The following SHISA9 variants were observed in gnomAD, a reference collection of about 807,000 sequenced individuals.
SHISA9 encodes the protein shisa family member 9.
In SHISA9, 13 loss-of-function variants were observed where a neutral mutation model predicts 38.0. The ratio of observed to expected loss-of-function variants is 0.34; its 90% CI spans 0.22 to 0.54. SHISA9 has a LOEUF of 0.54. Among genes scored for constraint, SHISA9 ranks in the 20% least tolerant of loss-of-function variants. The pLI is 0.91. For synonymous variants in SHISA9, 275 were observed against 242.0 expected (o/e 1.14, Z -1.27); for missense variants, 538 against 575.8 (o/e 0.93, Z 0.67).
At chr16:13,522,128 G>A in the SHISA9 span, among the ~76,000 whole-genome samples, 1 of 152,274 alleles carries the variant, frequency 6.6e-6, no homozygotes, top group African/African-American at 2.4e-5. Context: ...CTGCTTTCCT[G>A]TAATCCCACA....
At chr16:13,523,080 G>A in the SHISA9 span, among the ~76,000 whole-genome samples, 2 of 152,172 alleles carry the variant, frequency 1.3e-5, no homozygotes, top group African/African-American at 2.4e-5. Context: ...AGGCTCGGTA[G>A]CTCACGCCTG....
At chr16:13,334,947 T>G in the SHISA9 span, among the ~76,000 whole-genome samples, 119 of 152,276 alleles carry the variant, frequency 7.8e-4, no homozygotes, top group African/African-American at 2.6e-3. Flanking sequence ...ACTTCCAGTT[T>G]ATGTGCTAGG....
intron 2 of SHISA9, among the ~76,000 whole-genome samples, chr16:13,072,486 G>C (rs1596628299): frequency 1.3e-5 from 2 of 152,264 alleles, no homozygotes; most frequent in African/African-American, 4.8e-5. Flanking sequence ...CCTTCCTGCT[G>C]TCTTGTGCCC....
chr16:12,931,643 TA>T (rs2071463176), intron 2 of SHISA9, among the ~76,000 whole-genome samples: 1 of 152,218 alleles, frequency 6.6e-6, no homozygotes, highest in Non-Finnish European at 1.5e-5. Context: ...GGCTCTGTAG[TA>T]TTCCATGGTG....
At chr16:13,460,105 C>T in the SHISA9 span, among the ~76,000 whole-genome samples, 1 of 152,086 alleles carries the variant, frequency 6.6e-6, no homozygotes, top group African/African-American at 2.4e-5. Context: ...CTAAACATAT[C>T]CATTTGCATA....
the SHISA9 span, among the ~76,000 whole-genome samples, chr16:13,494,643 T>G: frequency 1.3e-5 from 2 of 152,082 alleles, no homozygotes; most frequent in African/African-American, 4.8e-5. Context: ...TATAGGGGAA[T>G]GGTTAAATGA....
At chr16:13,009,443 G>A (rs1180947342) in intron 2 of SHISA9, among the ~76,000 whole-genome samples, 1 of 152,240 alleles carries the variant, frequency 6.6e-6, no homozygotes, top group African/African-American at 2.4e-5. Context: ...TGATTTTCAG[G>A]AAGGTCTCCG....
chr16:13,288,297 G>A, the SHISA9 span, among the ~76,000 whole-genome samples: 44 of 152,262 alleles, frequency 2.9e-4, no homozygotes, highest in East Asian at 4.1e-3. Flanking sequence ...ATTTTCTCAC[G>A]TTGCTGGGAA....
chr16:13,022,413 C>A (rs571484162), intron 2 of SHISA9, among the ~76,000 whole-genome samples: 1 of 152,074 alleles, frequency 6.6e-6, no homozygotes, highest in African/African-American at 2.4e-5. Flanking sequence ...CTCACTGCAA[C>A]CTCTGCCTCC....
At chr16:13,286,795 A>T in the SHISA9 span, among the ~76,000 whole-genome samples, 3 of 152,206 alleles carry the variant, frequency 2.0e-5, no homozygotes, top group Non-Finnish European at 4.4e-5. Context: ...TCTTGACCTG[A>T]TACGTAAAGC....
At chr16:13,007,418 C>T (rs1028847007) in intron 2 of SHISA9, among the ~76,000 whole-genome samples, 2 of 152,184 alleles carry the variant, frequency 1.3e-5, no homozygotes, top group African/African-American at 2.4e-5. Context: ...TCCTTTTCCC[C>T]ACCCTCTTTG....
At chr16:13,104,932 G>T (rs1230565943) in intron 2 of SHISA9, among the ~76,000 whole-genome samples, 1 of 152,002 alleles carries the variant, frequency 6.6e-6, no homozygotes, top group Non-Finnish European at 1.5e-5. Flanking sequence ...TTCCTCTATT[G>T]CTTACTAACT....
At chr16:13,245,944 G>T in the SHISA9 span, among the ~76,000 whole-genome samples, 1 of 152,080 alleles carries the variant, frequency 6.6e-6, no homozygotes, top group African/African-American at 2.4e-5. Flanking sequence ...ATTAACTGGA[G>T]ACAGTTAATA....
chr16:13,542,107 G>A, the SHISA9 span, among the ~76,000 whole-genome samples: 1 of 152,152 alleles, frequency 6.6e-6, no homozygotes, highest in African/African-American at 2.4e-5. Flanking sequence ...TTGGAGTGAT[G>A]CTGCCATAAG....
the SHISA9 span, among the ~76,000 whole-genome samples, chr16:13,462,386 T>C: frequency 2.6e-5 from 4 of 152,088 alleles, no homozygotes; most frequent in African/African-American, 9.7e-5. Flanking sequence ...AACTAACAGA[T>C]CACTCAATAC....
At chr16:13,399,060 G>GC in the SHISA9 span, among the ~76,000 whole-genome samples, 4 of 152,190 alleles carry the variant, frequency 2.6e-5, no homozygotes, top group African/African-American at 7.2e-5. Context: ...TTTGGGACCA[G>GC]CCTGGCAATA....
At chr16:13,082,068 A>T (rs923901462) in intron 2 of SHISA9, among the ~76,000 whole-genome samples, 1 of 152,232 alleles carries the variant, frequency 6.6e-6, no homozygotes, top group African/African-American at 2.4e-5. Context: ...TGCTAAGGCA[A>T]CAACGACTAC....
chr16:13,400,053 G>A, the SHISA9 span, among the ~76,000 whole-genome samples: 1 of 152,172 alleles, frequency 6.6e-6, no homozygotes, highest in South Asian at 2.1e-4. Flanking sequence ...ACAAGTAAAA[G>A]CTTTAACTGT....
rs543458899 is a variant in SHISA9 at position 12,966,428 on chromosome 16, C to A, written c.691+49613C>A. ...TATGTACCAGATATGTGCGTTCTTT[C>A]TTTTTTTGTAGAGACAGGGTCTCAC... On this transcript the variant is annotated intron_variant, in intron 2 of 4. Coordinates refer to ENST00000558583, the MANE Select transcript of SHISA9 (RefSeq NM_001145204.3). Among the ~76,000 whole-genome samples the A allele has an allele frequency of 2.5e-3, 377 of 152,198 alleles. 2 individuals carry two copies. Among genetic ancestry groups the A allele is most frequent in the Non-Finnish European group, 3.6e-3 (242 of 68,000 alleles).
Sources: allele counts gnomAD v4.1 joint callset (sites outside exome capture counted in the v4.1 genomes callset), GRCh38; gene constraint gnomAD v4.1.1; transcripts MANE v1.5; gene names NCBI Gene and HGNC (gene_info 2026-07-23, HGNC 2026-07-21).